The following MAGI2 variants were observed in gnomAD, a reference collection of about 807,000 sequenced individuals.
The protein encoded by MAGI2 is membrane-associated guanylate kinase, WW and PDZ domain-containing protein 2.
MAGI2 carries 35 observed loss-of-function variants against 133.3 expected under a neutral mutation model. The ratio of observed to expected loss-of-function variants is 0.26; its 90% CI spans 0.20 to 0.35. The LOEUF is 0.35. Among genes scored for constraint, MAGI2 ranks in the 10% least tolerant of loss-of-function variants. MAGI2 has a pLI of 1.00. For missense variants in MAGI2, 1,636 were observed against 1,863.4 expected (o/e 0.88, Z 2.25); for synonymous variants, 729 against 710.6 (o/e 1.03, Z -0.41).
At chr7:79,072,569 T>G (rs549286333) in intron 1 of MAGI2, among the ~76,000 whole-genome samples, 2 of 152,298 alleles carry the variant, frequency 1.3e-5, no homozygotes, top group African/African-American at 4.8e-5. Context: ...ACTGATGATA[T>G]CAACAATCAG....
intron 10 of MAGI2, among the ~76,000 whole-genome samples, chr7:78,237,526 C>T (rs950282525): frequency 2.0e-5 from 3 of 152,146 alleles, no homozygotes; most frequent in African/African-American, 7.2e-5. Flanking sequence ...AATTTCCCTG[C>T]CTCTAAGCTC....
chr7:78,695,050 C>A (rs1817361592), intron 2 of MAGI2, among the ~76,000 whole-genome samples: 3 of 151,992 alleles, frequency 2.0e-5, no homozygotes. Context: ...ACGGTGAAAC[C>A]CCGTCTCTAC....
At chr7:78,654,165 G>T (rs575276311) in intron 2 of MAGI2, among the ~76,000 whole-genome samples, 1 of 152,278 alleles carries the variant, frequency 6.6e-6, no homozygotes, top group South Asian at 2.1e-4. Flanking sequence ...TCTTGAGACA[G>T]CTGCCTGGGT....
At chr7:78,936,688 T>A (rs922496487) in intron 2 of MAGI2, among the ~76,000 whole-genome samples, 1 of 152,062 alleles carries the variant, frequency 6.6e-6, no homozygotes, top group South Asian at 2.1e-4. Context: ...ATTCTGAAAC[T>A]ATATAATGTG....
At chr7:78,452,180 T>C (rs1788796170) in intron 6 of MAGI2, among the ~76,000 whole-genome samples, 1 of 152,026 alleles carries the variant, frequency 6.6e-6, no homozygotes, top group Non-Finnish European at 1.5e-5. Flanking sequence ...ATCCATACTT[T>C]AAAATGAGGA....
intron 6 of MAGI2, among the ~76,000 whole-genome samples, chr7:78,397,297 C>G (rs1195598473): frequency 1.3e-5 from 2 of 151,832 alleles, no homozygotes; most frequent in African/African-American, 4.8e-5. Context: ...TAAAAATACA[C>G]TGGCGTCAAG....
At chr7:78,336,440 C>T (rs137913646) in intron 9 of MAGI2, among the ~76,000 whole-genome samples, 2,136 of 152,208 alleles carry the variant, frequency 0.014, 54 homozygotes, top group African/African-American at 0.049. Context: ...ATTCTAGGAT[C>T]GGCTGGGCAT....
intron 2 of MAGI2, among the ~76,000 whole-genome samples, chr7:78,904,985 T>C (rs1797892358): frequency 6.6e-6 from 1 of 152,116 alleles, no homozygotes; most frequent in South Asian, 2.1e-4. Flanking sequence ...TGTCAAAGAG[T>C]ATTGTTCCTC....
rs182382924 is a variant in MAGI2 at position 78,622,364 on chromosome 7, G to A, written c.538+4756C>T. ...GACCTAGAACTCTAAACAATACTGC[G>A]AAGGCATGAGACTGCAGTAGGCGAG... On this transcript the variant is annotated intron_variant, in intron 3 of 21. Transcript: ENST00000354212. Among the ~76,000 whole-genome samples the A allele has an allele frequency of 5.3e-5, 8 of 152,108 alleles. No individual in the cohort carries two copies. The East Asian group carries it at 5.8e-4, about 11-fold the overall frequency.
At chr7:79,215,757 C>A (rs952256064) in intron 1 of MAGI2, among the ~76,000 whole-genome samples, 1 of 151,950 alleles carries the variant, frequency 6.6e-6, no homozygotes, top group African/African-American at 2.4e-5. Flanking sequence ...TGTATAAAAT[C>A]AAGCTGTAAC....
intron 10 of MAGI2, among the ~76,000 whole-genome samples, chr7:78,228,537 C>T (rs1789640420): frequency 6.6e-6 from 1 of 152,128 alleles, no homozygotes; most frequent in Non-Finnish European, 1.5e-5. Context: ...AGACTCACAA[C>T]CCAAGAGGGG....
Position 78,725,439 on chromosome 7 carries a change from C to A in MAGI2, c.419-98200G>T, listed in dbSNP as rs74435649. On this transcript the variant is annotated intron_variant, in intron 2 of 21. Coordinates refer to ENST00000354212, the MANE Select transcript of MAGI2 (RefSeq NM_012301.4). Reference sequence around the variant, plus strand: ...AATCCCCATCACAGCACTGAAAACACGCACTATGCAACTGTTTACCAAGTA... The same window carrying A: ...AATCCCCATCACAGCACTGAAAACAAGCACTATGCAACTGTTTACCAAGTA... Among the ~76,000 whole-genome samples, 1,362 of 152,308 alleles carry A rather than the reference C, an allele frequency of 8.9e-3. 27 individuals carry two copies. The highest frequency in any genetic ancestry group is 0.031 in the African/African-American group (1,303 of 41,556).
intron 9 of MAGI2, among the ~76,000 whole-genome samples, chr7:78,301,485 C>T (rs1396827894): frequency 6.6e-6 from 1 of 152,146 alleles, no homozygotes; most frequent in African/African-American, 2.4e-5. Flanking sequence ...GACACAAGAA[C>T]CACTTAAAGA....
intron 1 of MAGI2, among the ~76,000 whole-genome samples, chr7:79,046,108 A>G (rs1198303359): frequency 1.3e-5 from 2 of 152,180 alleles, no homozygotes; most frequent in African/African-American, 4.8e-5. Context: ...AATTTCAAAG[A>G]TAGCTTAATA....
intron 9 of MAGI2, among the ~76,000 whole-genome samples, chr7:78,328,529 A>ACACACACACACACACACACACACC (rs1408831333): frequency 2.0e-5 from 2 of 99,774 alleles, no homozygotes; most frequent in African/African-American, 7.6e-5. Flanking sequence ...ACACACACAC[A>ACACACACACACACACACACACACC]CCCCTCTCTC....
chr7:78,930,252 A>G (rs1416758739), intron 2 of MAGI2, among the ~76,000 whole-genome samples: 1 of 152,156 alleles, frequency 6.6e-6, no homozygotes, highest in Non-Finnish European at 1.5e-5. Flanking sequence ...CTAGAAACTT[A>G]GCACCACTGA....
chr7:79,138,596 A>C (rs1821812612), intron 1 of MAGI2, among the ~76,000 whole-genome samples: 1 of 152,190 alleles, frequency 6.6e-6, no homozygotes, highest in South Asian at 2.1e-4. Flanking sequence ...CACAGGTTGA[A>C]GCCATAACCC....
chr7:78,821,020 A>C (rs759925035), intron 2 of MAGI2, among the ~76,000 whole-genome samples: 18 of 152,176 alleles, frequency 1.2e-4, no homozygotes, highest in Middle Eastern at 3.4e-3. Flanking sequence ...AAATGTGAAC[A>C]TAATACTAAT....
intron 2 of MAGI2, among the ~76,000 whole-genome samples, chr7:78,883,075 G>T (rs985871501): frequency 1.3e-5 from 2 of 152,072 alleles, no homozygotes; most frequent in Admixed American, 6.6e-5. Flanking sequence ...ATCTTTCTTT[G>T]CTGATGATAC....
Sources: gnomAD v4.1 joint callset for allele counts (sites outside exome capture counted in the v4.1 genomes callset) on GRCh38, gnomAD v4.1.1 for gene constraint, MANE v1.5 for transcripts, NCBI Gene and HGNC (gene_info 2026-07-23, HGNC 2026-07-21) for gene names.